PAK4: variants seen among roughly 807,000 people sequenced by gnomAD.
The protein encoded by PAK4 is serine/threonine-protein kinase PAK 4.
In PAK4, 49 loss-of-function variants were observed where a neutral mutation model predicts 53.5. That is an observed-to-expected ratio of 0.92 (90% CI 0.73 to 1.16). PAK4 has a LOEUF of 1.16. PAK4 is among the 50% of genes most tolerant of loss of function. The probability of loss-of-function intolerance (pLI) is 0.00; values close to 1 mark genes in which losing one functional copy is unlikely to be tolerated. For missense variants in PAK4, 824 were observed against 850.7 expected (o/e 0.97, Z 0.39); for synonymous variants, 376 against 375.6 (o/e 1.00, Z -0.01).
In PAK4 at chr19:39,178,585, A is replaced by G. The variant is rs955292571; in HGVS notation, c.*6A>G. On this transcript the variant is annotated 3_prime_UTR_variant, in exon 9 of 9. Transcript: ENST00000358301. This position sits in a 1 kb window ranked among gnomAD's most constrained non-coding sequence, Gnocchi z 4.4. The stretch of plus-strand genomic sequence containing the variant: ...GCCAGAACCGCACCAGATGAGGCCC[A>G]GCGCCCTTCCCCTCAACCAAAGAGC... 2 of 1,571,016 alleles carry G rather than the reference A, an allele frequency of 1.3e-6. No individual in the cohort carries two copies. The highest frequency in any genetic ancestry group is 1.4e-5 in the African/African-American group (1 of 73,912).
chr19:39,148,021 G>A (rs905967926), intron 1 of PAK4, among the ~76,000 whole-genome samples: 13 of 145,168 alleles, frequency 9.0e-5, no homozygotes, highest in Middle Eastern at 7.1e-3. Flanking sequence ...GTGTGATCTC[G>A]GTTCACTGTG....
Position 39,133,753 on chromosome 19 carries a change from C to T in PAK4, c.-23+7834C>T, listed in dbSNP as rs549658029. 3.3e-5 allele frequency among the ~76,000 whole-genome samples: 5 copies of T among 152,316 alleles called. No individual in the cohort carries two copies. In the East Asian group the frequency reaches 9.6e-4, roughly 29 times the overall value. ...ACCCTCCCTGCTCCTGCCACCTGTC[C>T]TGGGAACTCCTGATAAAGCAGCATT... On this transcript the variant is annotated intron_variant, in intron 1 of 8. Transcript: ENST00000358301.
chr19:39,167,646 T>C (rs922125901), intron 1 of PAK4, among the ~76,000 whole-genome samples: 5 of 152,114 alleles, frequency 3.3e-5, no homozygotes, highest in Non-Finnish European at 7.4e-5. Flanking sequence ...CGCTGGCCTC[T>C]TGGGACCAGC....
In PAK4 at chr19:39,173,384, A is replaced by G. The variant is rs761210872; in HGVS notation, c.663+8A>G. 1.3e-6 allele frequency: 2 copies of G among 1,513,592 alleles called. No homozygotes were observed. Among genetic ancestry groups the G allele is most frequent in the East Asian group, 4.6e-5 (2 of 43,410 alleles). The allele number at this position is 1,513,592 out of a possible 1,614,324, so 93.8% of individuals were successfully genotyped here. A position where few individuals can be genotyped will look rare whatever the true frequency, so the allele number is the denominator to read the frequency against. The stretch of plus-strand genomic sequence containing the variant: ...CCATCCCGGGGTGCCCAGGTAACCC[A>G]TCCCCCGCCCCAGGGCCCCCACTGT... On this transcript the variant is annotated splice_region_variant and intron_variant, in intron 3 of 8. Coordinates refer to ENST00000358301, the Ensembl canonical transcript of PAK4. This position sits in a 1 kb window ranked among gnomAD's most constrained non-coding sequence, Gnocchi z 6.9.
chr19:39,172,820 CTG>C (rs1257783298), intron 2 of PAK4, 96 bp from the exon 4 acceptor site: 8 of 1,009,520 alleles, frequency 7.9e-6, no homozygotes, highest in Non-Finnish European at 1.2e-5. Context: ...TGTCTTGTCT[CTG>C]TGTGTGTCGT....
At chr19:39,139,527 G>A (rs752120495) in intron 1 of PAK4, among the ~76,000 whole-genome samples, 32 of 152,168 alleles carry the variant, frequency 2.1e-4, no homozygotes, top group Non-Finnish European at 3.4e-4. Context: ...TGCCAGGCCT[G>A]ACTTCATTCC....
chr19:39,144,376 G>A (rs1037336467), intron 1 of PAK4, among the ~76,000 whole-genome samples: 6 of 152,182 alleles, frequency 3.9e-5, no homozygotes, highest in Admixed American at 3.3e-4. Flanking sequence ...GAGCCTGCAC[G>A]TAACACTTTG....
rs75096376 is a variant in PAK4, at chr19:39,169,637, C to G, written c.84C>G (p.His28Gln). 7.4e-6 allele frequency: 12 copies of G among 1,613,460 alleles called. No homozygotes were observed. The highest frequency in any genetic ancestry group is 9.3e-6 in the Non-Finnish European group (11 of 1,179,936). Residue 28 changes from histidine to glutamine, a missense_variant, in exon 2 of 9, where the codon CAC (histidine) becomes CAG (glutamine). Physicochemically the swap from His to Gln is conservative, Grantham distance 24 (BLOSUM62 0). Around this residue, in one of 2 missense-constraint regions of PAK4, gnomAD observed 478 missense variants for 435.8 expected, o/e 1.10. Transcript: ENST00000358301. ...GCGTGCACACGGGCTTCGACCAGCA[C>G]GAGCAGAAGTTCACGGGGCTGCCCC...
intron 1 of PAK4, among the ~76,000 whole-genome samples, chr19:39,149,141 CA>C (rs2074054012): frequency 6.6e-6 from 1 of 152,214 alleles, no homozygotes; most frequent in Non-Finnish European, 1.5e-5. Context: ...ATTCCGCTCC[CA>C]ACTGTTCGTC....
chr19:39,174,602 C>T (rs188183941), intron 4 of PAK4, among the ~76,000 whole-genome samples: 2,043 of 152,254 alleles, frequency 0.013, 25 homozygotes, highest in Middle Eastern at 0.037. Context: ...ATCCTCCCGC[C>T]GACACACGCC....
rs776428819 is a variant in PAK4, at chr19:39,173,349, C to T, written c.636C>T (p.Asp212=). 4.2e-5 allele frequency: 65 copies of T among 1,552,452 alleles called. No individual in the cohort carries two copies. Among genetic ancestry groups the T allele is most frequent in the Non-Finnish European group, 5.2e-5 (60 of 1,146,790 alleles). Residue 212 remains aspartate, a synonymous_variant, in exon 3 of 9, where the codon GAC becomes GAT. Transcript: ENST00000358301. The surrounding 1 kb of genome is among the most constrained non-coding windows in gnomAD (Gnocchi z 6.9). ...CCTTTAACACCTACCCGAGGGCTGA[C>T]ACGGACCACCCATCCCGGGGTGCCC...
At position 39,144,189 on chromosome 19, in the gene PAK4, GATAGATA is replaced by G. The variant is rs1343646108; in HGVS notation, c.-23+18271_-23+18277del. Reference sequence around the variant, plus strand: ...GATTAGATAGATAGATAGATAGATAGATAGATATGGTTAAGTGAGTGGACTTTGGTCC... The same window carrying G: ...GATTAGATAGATAGATAGATAGATAGTGGTTAAGTGAGTGGACTTTGGTCC... On this transcript the variant is annotated intron_variant, in intron 1 of 8. Transcript: ENST00000358301. 2.8e-3 allele frequency among the ~76,000 whole-genome samples: 286 copies of G among 101,980 alleles called. 2 individuals are homozygous for G. Among genetic ancestry groups the G allele is most frequent in the Middle Eastern group, 9.9e-3 (2 of 202 alleles). 66.9% of individuals were successfully genotyped at this position (101,980 alleles called of 152,430 possible). A position where few individuals can be genotyped will look rare whatever the true frequency, so the allele number is the denominator to read the frequency against.
chr19:39,128,845 CT>C (rs982052549), intron 1 of PAK4, among the ~76,000 whole-genome samples: 1 of 152,192 alleles, frequency 6.6e-6, no homozygotes. Context: ...GCTCTTGCCC[CT>C]GGCTGCACAT....
At chr19:39,138,104 CA>C (rs1374527103) in intron 1 of PAK4, among the ~76,000 whole-genome samples, 1 of 151,992 alleles carries the variant, frequency 6.6e-6, no homozygotes. Flanking sequence ...TCCTCAGCCT[CA>C]GTAGCTGGGA....
chr19:39,146,795 A>G (rs981457023), intron 1 of PAK4, among the ~76,000 whole-genome samples: 1 of 151,726 alleles, frequency 6.6e-6, no homozygotes, highest in Non-Finnish European at 1.5e-5. Context: ...TGTTAATGGC[A>G]CCACTGCACT....
chr19:39,140,911 C>A (rs2073898628), intron 1 of PAK4, among the ~76,000 whole-genome samples: 1 of 152,196 alleles, frequency 6.6e-6, no homozygotes, highest in Non-Finnish European at 1.5e-5. Flanking sequence ...ATGCTCAGAA[C>A]AGGGCCACTG....
chr19:39,177,733 A>G (rs1282615550), exon 8 of PAK4: 2 of 1,613,472 alleles, frequency 1.2e-6, no homozygotes, highest in Non-Finnish European at 1.7e-6. Context: ...GAGCCCCCCT[A>G]CTTCAACGAG....
chr19:39,171,270 C>T (rs1002253221), intron 2 of PAK4, among the ~76,000 whole-genome samples: 1 of 149,212 alleles, frequency 6.7e-6, no homozygotes, highest in Non-Finnish European at 1.5e-5. Flanking sequence ...AGTGCAGTGG[C>T]GCCACCTCGG....
intron 1 of PAK4, among the ~76,000 whole-genome samples, chr19:39,129,093 A>G (rs1310187538): frequency 6.6e-6 from 1 of 152,104 alleles, no homozygotes; most frequent in East Asian, 1.9e-4. Flanking sequence ...GGTATATTTG[A>G]GATGGGATCT....
Sources: allele counts gnomAD v4.1 joint callset (sites outside exome capture counted in the v4.1 genomes callset), GRCh38; gene constraint gnomAD v4.1.1; regional missense constraint gnomAD v4.1.1; non-coding constraint Gnocchi (gnomAD v3.1); transcripts MANE v1.5; gene names NCBI Gene and HGNC (gene_info 2026-07-23, HGNC 2026-07-21).